The following TNKS variants were observed in gnomAD, a reference collection of about 807,000 sequenced individuals.
TNKS encodes poly [ADP-ribose] polymerase tankyrase-1.
Under a neutral mutation model 135.8 loss-of-function variants are expected in TNKS, and 72 were observed. That is an observed-to-expected ratio of 0.53 (90% CI 0.44 to 0.64). The LOEUF (loss-of-function observed/expected upper bound fraction) is 0.64, where lower values mean the gene tolerates loss of function less well. TNKS is among the 30% of genes least tolerant of loss of function. The pLI is 0.00. For missense variants in TNKS, 1,769 were observed against 1,674.0 expected, an observed-to-expected ratio of 1.06 and a Z score of -0.99; for synonymous variants, 849 against 649.3, an observed-to-expected ratio of 1.31 and a Z score of -4.68.
intron 3 of TNKS, among the ~76,000 whole-genome samples, chr8:9,668,319 A>C (rs988205798): frequency 2.0e-5 from 3 of 152,216 alleles, no homozygotes; most frequent in African/African-American, 7.2e-5. Context: ...TTAAGGAGCT[A>C]ATAAAAGCAC....
chr8:9,652,638 A>G (rs1426298776), intron 3 of TNKS, among the ~76,000 whole-genome samples: 1 of 152,204 alleles, frequency 6.6e-6, no homozygotes, highest in Non-Finnish European at 1.5e-5. Flanking sequence ...TTTCACTGAC[A>G]TTAATGAAAA....
chr8:9,598,755 ATGTG>A (rs1220199241), intron 2 of TNKS, among the ~76,000 whole-genome samples: 44 of 71,420 alleles, frequency 6.2e-4, no homozygotes, highest in African/African-American at 1.9e-3. Flanking sequence ...ATATATGTAT[ATGTG>A]TGTGTGTATA....
intron 5 of TNKS, among the ~76,000 whole-genome samples, chr8:9,682,145 G>A (rs1433739996): frequency 1.3e-5 from 2 of 152,086 alleles, no homozygotes; most frequent in Non-Finnish European, 2.9e-5. Flanking sequence ...GATTCTCCAA[G>A]TAGATAAAGT....
chr8:9,688,571 G>T (rs1203290544), intron 5 of TNKS, among the ~76,000 whole-genome samples: 2 of 152,144 alleles, frequency 1.3e-5, no homozygotes, highest in Non-Finnish European at 2.9e-5. Flanking sequence ...CTAAAGGCTG[G>T]GAAGTCCAAG....
chr8:9,761,921 C>T (rs566371634), intron 21 of TNKS, among the ~76,000 whole-genome samples: 1 of 152,324 alleles, frequency 6.6e-6, no homozygotes, highest in Admixed American at 6.5e-5. Flanking sequence ...CATTCTCTCT[C>T]GTGGACTGTC....
At chr8:9,730,436 A>C (rs1386029575) in intron 13 of TNKS, among the ~76,000 whole-genome samples, 1 of 152,140 alleles carries the variant, frequency 6.6e-6, no homozygotes, top group Non-Finnish European at 1.5e-5. Flanking sequence ...CAGAAAAATA[A>C]TTCTCCAGAC....
At chr8:9,585,988 G>A (rs754651402) in intron 2 of TNKS, among the ~76,000 whole-genome samples, 21 of 152,140 alleles carry the variant, frequency 1.4e-4, no homozygotes, top group Non-Finnish European at 4.4e-5. Flanking sequence ...GGTAATAGCT[G>A]TATGTCATAC....
intron 2 of TNKS, 101 bp downstream of exon 2, chr8:9,580,484 A>G: frequency 9.6e-7 from 1 of 1,044,950 alleles, no homozygotes; most frequent in East Asian, 2.6e-5. Flanking sequence ...GGAAGGGTTT[A>G]TTGCTTCTTG....
intron 20 of TNKS, among the ~76,000 whole-genome samples, chr8:9,757,769 C>T (rs929821416): frequency 6.6e-6 from 1 of 152,172 alleles, no homozygotes; most frequent in East Asian, 1.9e-4. Context: ...ATGTAACTTT[C>T]CAACTATAAG....
At chr8:9,645,617 C>G (rs1017852803) in intron 3 of TNKS, among the ~76,000 whole-genome samples, 10 of 152,084 alleles carry the variant, frequency 6.6e-5, no homozygotes, top group Non-Finnish European at 1.2e-4. Context: ...GAGGCACATA[C>G]TTAATCTAGG....
intron 3 of TNKS, among the ~76,000 whole-genome samples, chr8:9,674,926 G>A (rs1802473333): frequency 6.6e-6 from 1 of 152,170 alleles, no homozygotes; most frequent in Non-Finnish European, 1.5e-5. Context: ...ATCATAATGA[G>A]TAGAAATATC....
At chr8:9,621,560 C>A (rs532240166) in intron 3 of TNKS, among the ~76,000 whole-genome samples, 36 of 152,046 alleles carry the variant, frequency 2.4e-4, no homozygotes, top group African/African-American at 7.5e-4. Context: ...CCCACCTCAG[C>A]CTCCGTAAGT....
At chr8:9,630,154 C>G (rs928959327) in intron 3 of TNKS, among the ~76,000 whole-genome samples, 4 of 152,148 alleles carry the variant, frequency 2.6e-5, no homozygotes, top group Non-Finnish European at 5.9e-5. Context: ...TTATTCATGG[C>G]CTGATTCCCA....
intron 15 of TNKS, among the ~76,000 whole-genome samples, chr8:9,733,725 G>A (rs1037878992): frequency 6.6e-6 from 1 of 152,124 alleles, no homozygotes; most frequent in Non-Finnish European, 1.5e-5. Flanking sequence ...AGTACTTATA[G>A]TATTAATATC....
intron 13 of TNKS, among the ~76,000 whole-genome samples, chr8:9,728,452 T>C (rs1342172758): frequency 6.6e-6 from 1 of 152,222 alleles, no homozygotes; most frequent in Non-Finnish European, 1.5e-5. Context: ...TGGGCTTCTA[T>C]TTCTGTAGCC....
intron 3 of TNKS, 155 bp from the exon 4 acceptor site, chr8:9,679,796 T>C: frequency 1.8e-6 from 1 of 568,756 alleles, no homozygotes; most frequent in Non-Finnish European, 3.1e-6. Context: ...TGATGCTGCC[T>C]TCACAAGCTG....
At chr8:9,577,481 TCA>T (rs1797993359) in intron 1 of TNKS, among the ~76,000 whole-genome samples, 1 of 152,134 alleles carries the variant, frequency 6.6e-6, no homozygotes, top group Non-Finnish European at 1.5e-5. Flanking sequence ...CCCAGGAAAT[TCA>T]CAGTCGTGAC....
intron 1 of TNKS, among the ~76,000 whole-genome samples, chr8:9,575,577 A>C (rs887273943): frequency 2.0e-5 from 3 of 152,246 alleles, no homozygotes; most frequent in African/African-American, 7.2e-5. Flanking sequence ...TCTAGAAGAA[A>C]ATGTAGGAAC....
At chr8:9,589,829 G>A (rs1020464739) in intron 2 of TNKS, among the ~76,000 whole-genome samples, 5 of 152,204 alleles carry the variant, frequency 3.3e-5, no homozygotes, top group Non-Finnish European at 7.3e-5. Flanking sequence ...TGCCTTCAAC[G>A]AAGATCTTAA....
Sources: gnomAD v4.1 joint callset for allele counts (sites outside exome capture counted in the v4.1 genomes callset) on GRCh38, gnomAD v4.1.1 for gene constraint, MANE v1.5 for transcripts, NCBI Gene and HGNC (gene_info 2026-07-23, HGNC 2026-07-21) for gene names.